Variants in AKAP7 observed in about 807,000 individuals in gnomAD.
AKAP7 encodes the protein A-kinase anchoring protein 7, also known as A kinase (PRKA) anchor protein 7.
AKAP7 carries 39 observed loss-of-function variants against 39.5 expected under a neutral mutation model. The ratio of observed to expected loss-of-function variants is 0.99; its 90% CI spans 0.76 to 1.29. AKAP7 has a LOEUF of 1.29. Ranked by LOEUF, AKAP7 falls within the 50% of genes most tolerant of loss-of-function variation. AKAP7 has a pLI of 0.00. For missense variants in AKAP7, 414 were observed against 407.7 expected (o/e 1.02, Z -0.13); for synonymous variants, 140 against 139.1 (o/e 1.01, Z -0.05).
chr6:131,195,544 T>C (rs557486853), intron 5 of AKAP7, among the ~76,000 whole-genome samples: 11 of 152,320 alleles, frequency 7.2e-5, no homozygotes, highest in Admixed American at 5.9e-4. Flanking sequence ...TACCTTCAGA[T>C]GATTTCTTAT....
upstream of AKAP7, among the ~76,000 whole-genome samples, chr6:131,134,345 G>C (rs936714619): frequency 1.3e-5 from 2 of 152,174 alleles, no homozygotes; most frequent in African/African-American, 2.4e-5. Context: ...TAGGCAGAAA[G>C]GGGGAGGTCA....
intron 2 of AKAP7, among the ~76,000 whole-genome samples, chr6:131,145,653 C>T (rs541038623): frequency 2.0e-5 from 3 of 152,244 alleles, no homozygotes; most frequent in South Asian, 4.1e-4. Context: ...AAGTAATCCT[C>T]CCACCTCAGC....
intron 7 of AKAP7, among the ~76,000 whole-genome samples, chr6:131,278,335 GCTCA>G (rs1814915595): frequency 6.6e-6 from 1 of 152,176 alleles, no homozygotes. Flanking sequence ...ATGTTGCTTT[GCTCA>G]CTGCTTTGTA....
chr6:131,262,754 T>TTTAA (rs1167658662), intron 7 of AKAP7, among the ~76,000 whole-genome samples: 2 of 152,220 alleles, frequency 1.3e-5, no homozygotes, highest in East Asian at 3.8e-4. Context: ...TTGAACATTC[T>TTTAA]TTAAAAATAA....
intron 7 of AKAP7, chr6:131,250,372 C>G (rs1251200348): frequency 1.6e-5 from 22 of 1,413,116 alleles, no homozygotes; most frequent in African/African-American, 2.9e-5. Flanking sequence ...GGAGGTGGAG[C>G]CTTTTTTGCT....
At chr6:131,197,858 A>C (rs1378869692) in intron 5 of AKAP7, among the ~76,000 whole-genome samples, 1 of 152,204 alleles carries the variant, frequency 6.6e-6, no homozygotes, top group Non-Finnish European at 1.5e-5. Context: ...CCAGGGGACC[A>C]ACGCTAGTAT....
chr6:131,219,577 A>G, intron 6 of AKAP7, 84 bp from the exon 7 acceptor site: 1 of 1,240,974 alleles, frequency 8.1e-7, no homozygotes, highest in Non-Finnish European at 1.1e-6. Context: ...TAATGTAATA[A>G]TCAGGTTCAA....
At chr6:131,232,029 C>A (rs1192206370) in intron 7 of AKAP7, among the ~76,000 whole-genome samples, 1 of 152,150 alleles carries the variant, frequency 6.6e-6, no homozygotes, top group Non-Finnish European at 1.5e-5. Flanking sequence ...TTAGTGATGG[C>A]TCACTGTATT....
chr6:131,219,805 AT>A lies in AKAP7; in HGVS notation c.849del (p.Ile283MetfsTer14). ...TTATCACTGTGAATCTTCCATTGTG[AT>A]TGGTGAGTGTCATTTAAAAATTATT... is the stretch of plus-strand genomic sequence containing the variant. ...GYYHCESSIV[I>X]GEKNGGEPDD... On this transcript the variant is annotated frameshift_variant and splice_region_variant, in exon 7 of 8. Transcript: ENST00000431975. LOFTEE classifies it high-confidence loss of function. 1 of 1,533,132 alleles carries A rather than the reference AT, an allele frequency of 6.5e-7. No homozygotes were observed. 95.0% of individuals were successfully genotyped at this position (1,533,132 alleles called of 1,614,324 possible).
At chr6:131,261,874 C>T (rs146877081) in intron 7 of AKAP7, among the ~76,000 whole-genome samples, 19 of 151,890 alleles carry the variant, frequency 1.3e-4, no homozygotes, top group African/African-American at 3.4e-4. Flanking sequence ...GAGAATTTAA[C>T]GTAGGGAATT....
intron 7 of AKAP7, among the ~76,000 whole-genome samples, chr6:131,278,787 C>T (rs1163098237): frequency 2.0e-5 from 3 of 152,200 alleles, no homozygotes; most frequent in Admixed American, 1.3e-4. Context: ...GGTCCTTCCT[C>T]CAGCATTGGG....
At chr6:131,147,113 A>T (rs1801545598) in intron 2 of AKAP7, among the ~76,000 whole-genome samples, 1 of 152,202 alleles carries the variant, frequency 6.6e-6, no homozygotes, top group Non-Finnish European at 1.5e-5. Flanking sequence ...ATGAGTATGA[A>T]CTATTCAGTG....
intron 7 of AKAP7, among the ~76,000 whole-genome samples, chr6:131,260,887 A>G (rs1485302675): frequency 1.3e-5 from 2 of 152,108 alleles, no homozygotes; most frequent in African/African-American, 4.8e-5. Context: ...TCCTTAATTT[A>G]TAGTCACTAT....
At chr6:131,261,188 A>G (rs990671154) in intron 7 of AKAP7, among the ~76,000 whole-genome samples, 1 of 151,106 alleles carries the variant, frequency 6.6e-6, no homozygotes, top group Non-Finnish European at 1.5e-5. Context: ...AGCCTGGGCA[A>G]CAAGAGCAAA....
chr6:131,257,766 A>G (rs1403416337), intron 7 of AKAP7, among the ~76,000 whole-genome samples: 1 of 152,166 alleles, frequency 6.6e-6, no homozygotes, highest in Non-Finnish European at 1.5e-5. Context: ...AGAGGAAAGT[A>G]AGCCTAGGGA....
intron 7 of AKAP7, among the ~76,000 whole-genome samples, chr6:131,275,895 C>G (rs1814705575): frequency 6.6e-6 from 1 of 152,196 alleles, no homozygotes; most frequent in South Asian, 2.1e-4. Flanking sequence ...GACACTTTAG[C>G]TGAGGCTGGA....
At chr6:131,274,250 C>T (rs1032423356) in intron 7 of AKAP7, among the ~76,000 whole-genome samples, 1 of 152,074 alleles carries the variant, frequency 6.6e-6, no homozygotes, top group Non-Finnish European at 1.5e-5. Context: ...TCTCAAGAAT[C>T]ACATTTCTTG....
the AKAP7 span, among the ~76,000 whole-genome samples, chr6:131,125,633 C>G: frequency 6.6e-6 from 1 of 152,148 alleles, no homozygotes; most frequent in Non-Finnish European, 1.5e-5. Flanking sequence ...ATGTACTTGT[C>G]CTTGCATCCT....
chr6:131,220,758 A>G (rs1809628245), intron 7 of AKAP7, among the ~76,000 whole-genome samples: 1 of 152,198 alleles, frequency 6.6e-6, no homozygotes, highest in African/African-American at 2.4e-5. Flanking sequence ...ACATTTTGGT[A>G]ATTCTCACAG....
Sources: gnomAD v4.1 joint callset for allele counts (sites outside exome capture counted in the v4.1 genomes callset) on GRCh38, gnomAD v4.1.1 for gene constraint, MANE v1.5 for transcripts, NCBI Gene and HGNC (gene_info 2026-07-23, HGNC 2026-07-21) for gene names.